The following ARID1B variants were observed in gnomAD, a reference collection of about 807,000 sequenced individuals.
The protein encoded by ARID1B is AT-rich interactive domain-containing protein 1B.
In ARID1B, 30 loss-of-function variants were observed where a neutral mutation model predicts 212.3. The observed-to-expected ratio is 0.14, with a 90% CI of 0.11 to 0.19. ARID1B has a LOEUF of 0.19. Among genes scored for constraint, ARID1B ranks in the 10% least tolerant of loss-of-function variants. ARID1B has a pLI of 1.00. For synonymous variants in ARID1B, 1,402 were observed against 1,301.7 expected (o/e 1.08, Z -1.66); for missense variants, 2,891 against 3,204.0 (o/e 0.90, Z 2.36).
chr6:156,799,434 G>A (rs1034606936), intron 1 of ARID1B, among the ~76,000 whole-genome samples: 1 of 152,166 alleles, frequency 6.6e-6, no homozygotes, highest in Admixed American at 6.5e-5. Flanking sequence ...GAAAGGTGGC[G>A]TTATGATAGA....
chr6:157,203,837 A>G lies in ARID1B; in HGVS notation c.5264-29A>G. 1.9e-6 allele frequency: 3 copies of G among 1,613,208 alleles called. No individual in the cohort carries two copies. The highest frequency in any genetic ancestry group is 2.5e-6 in the Non-Finnish European group (3 of 1,179,226). On this transcript the variant is annotated intron_variant, in intron 18 of 19. Transcript: ENST00000636930. The surrounding 1 kb of genome is among the most constrained non-coding windows in gnomAD (Gnocchi z 4.4). ...TCTTTCATGCATAGAGTCAACATTC[A>G]TGATATCCTTGTTCTTCCCCATCTT...
At chr6:156,888,743 C>T (rs1029078309) in intron 2 of ARID1B, among the ~76,000 whole-genome samples, 1 of 152,142 alleles carries the variant, frequency 6.6e-6, no homozygotes, top group African/African-American at 2.4e-5. Context: ...CTTCTGTGAG[C>T]AGAATTGACC....
chr6:157,161,429 G>GTATATATATATATATATA (rs1228344142), intron 8 of ARID1B, among the ~76,000 whole-genome samples: 4 of 134,030 alleles, frequency 3.0e-5, no homozygotes, highest in African/African-American at 9.0e-5. Context: ...GATTGTGTGT[G>GTATATATATATATATATA]TGTATATATA....
At chr6:156,865,902 C>G (rs1785652193) in intron 2 of ARID1B, among the ~76,000 whole-genome samples, 1 of 151,564 alleles carries the variant, frequency 6.6e-6, no homozygotes, top group African/African-American at 2.4e-5. Context: ...TTTTTCTTAC[C>G]TCTTTGAGAT....
In ARID1B at chr6:157,094,591, G is replaced by A. The variant is rs58324905; in HGVS notation, c.2491+9686G>A. Among the ~76,000 whole-genome samples, 890 of 152,266 alleles carry A rather than the reference G, an allele frequency of 5.8e-3. 13 individuals carry two copies. Among genetic ancestry groups the A allele is most frequent in the African/African-American group, 0.02 (849 of 41,536 alleles). The stretch of plus-strand genomic sequence containing the variant: ...GCTGGTCTCGAACTCCTGACCTCTC[G>A]AAATCTGCCCATGTTGGCCTCCCAA... On this transcript the variant is annotated intron_variant, in intron 5 of 19. Coordinates refer to ENST00000636930, the MANE Select transcript of ARID1B (RefSeq NM_001374828.1). The surrounding 1 kb of genome is among the most constrained non-coding windows in gnomAD (Gnocchi z 4.3).
intron 6 of ARID1B, among the ~76,000 whole-genome samples, chr6:157,122,005 GA>G (rs1368942300): frequency 2.0e-5 from 3 of 152,160 alleles, no homozygotes; most frequent in African/African-American, 7.2e-5. Context: ...GAACACACTG[GA>G]AAGGTCTGGA....
chr6:157,186,127 TG>T (rs1334668049), intron 13 of ARID1B: 2 of 193,060 alleles, frequency 1.0e-5, no homozygotes, highest in Non-Finnish European at 2.2e-5. Flanking sequence ...TGTCACTGAA[TG>T]GGCTGCACTT....
chr6:156,785,407 C>T (rs909148100), intron 1 of ARID1B, among the ~76,000 whole-genome samples: 7 of 152,158 alleles, frequency 4.6e-5, no homozygotes, highest in African/African-American at 1.4e-4. Context: ...AGAAGCCATT[C>T]CTTATCAGGT....
At chr6:157,025,654 T>C (rs1336458937) in intron 4 of ARID1B, among the ~76,000 whole-genome samples, 1 of 152,230 alleles carries the variant, frequency 6.6e-6, no homozygotes, top group East Asian at 1.9e-4. Context: ...TCCTTTTCAT[T>C]GGTGAGTCGT....
intron 17 of ARID1B, among the ~76,000 whole-genome samples, chr6:157,199,483 CGTGGT>C (rs1562343933): frequency 6.6e-6 from 1 of 151,878 alleles, no homozygotes; most frequent in African/African-American, 2.4e-5. Context: ...AACCGCCCTT[CGTGGT>C]GTGGCTTTCC....
chr6:157,062,700 A>ATT (rs996398354), intron 4 of ARID1B, among the ~76,000 whole-genome samples: 6 of 122,752 alleles, frequency 4.9e-5, no homozygotes, highest in African/African-American at 1.9e-4. Flanking sequence ...AAATATATAT[A>ATT]TATATATTTT....
At chr6:157,114,701 A>G (rs1787206345) in intron 6 of ARID1B, among the ~76,000 whole-genome samples, 1 of 152,122 alleles carries the variant, frequency 6.6e-6, no homozygotes, top group South Asian at 2.1e-4. Flanking sequence ...ATAGTCCACC[A>G]TATACGTACT....
intron 4 of ARID1B, among the ~76,000 whole-genome samples, chr6:157,069,462 G>T (rs1278867458): frequency 1.3e-5 from 2 of 152,176 alleles, no homozygotes; most frequent in Admixed American, 6.5e-5. Context: ...CTAATTTCTT[G>T]TAGGTAGGCT....
At chr6:156,874,442 A>G (rs950065638) in intron 2 of ARID1B, among the ~76,000 whole-genome samples, 1 of 152,186 alleles carries the variant, frequency 6.6e-6, no homozygotes, top group African/African-American at 2.4e-5. Flanking sequence ...TATCAGCTGT[A>G]TGCTGTGGGA....
intron 2 of ARID1B, among the ~76,000 whole-genome samples, chr6:156,884,020 T>C (rs1385454023): frequency 1.3e-5 from 2 of 152,178 alleles, no homozygotes; most frequent in Non-Finnish European, 2.9e-5. Context: ...AAAAAAAATA[T>C]CGTGCCCTAA....
rs111538431 is a variant in ARID1B, at chr6:157,203,688, C to T, written c.5264-178C>T. On this transcript the variant is annotated intron_variant, in intron 18 of 19. Transcript: ENST00000636930. This position sits in a 1 kb window ranked among gnomAD's most constrained non-coding sequence, Gnocchi z 4.4. ...CTGAAACCACAAAAGTTTCTCGTTA[C>T]AGCTATGGCCTCCATTTAAAATCGG... The T allele has an allele frequency of 7.8e-4, 628 of 801,950 alleles. 1 individual carries two copies. In the African/African-American group the frequency reaches 9.3e-3, roughly 12 times the overall value. The allele number at this position is 801,950 out of a possible 1,614,324, so 49.7% of individuals were successfully genotyped here.
In ARID1B at chr6:157,006,880, T is replaced by G. The variant is rs1260574092; in HGVS notation, c.2247+71304T>G. Reference sequence around the variant, plus strand: ...TTTTTCACGTGGAAGTAATCCTAAATTACTCTTCCTTAAATGGAAATGTTA... The same window carrying G: ...TTTTTCACGTGGAAGTAATCCTAAAGTACTCTTCCTTAAATGGAAATGTTA... On this transcript the variant is annotated intron_variant, in intron 4 of 19. Coordinates refer to ENST00000636930, the MANE Select transcript of ARID1B (RefSeq NM_001374828.1). Among the ~76,000 whole-genome samples, 4 of 152,378 alleles carry G rather than the reference T, an allele frequency of 2.6e-5. No homozygotes were observed. The East Asian group carries it at 7.7e-4, about 29-fold the overall frequency.
At chr6:157,168,235 C>T (rs1791474252) in intron 9 of ARID1B, 1 of 152,100 alleles carries the variant, frequency 6.6e-6, no homozygotes, top group Non-Finnish European at 1.5e-5. Flanking sequence ...ATTTCTAGGA[C>T]CTAATTGAAG....
intron 2 of ARID1B, among the ~76,000 whole-genome samples, chr6:156,864,276 T>A (rs753149877): frequency 2.0e-5 from 3 of 152,166 alleles, no homozygotes; most frequent in Admixed American, 1.3e-4. Context: ...GCCCTCTGAG[T>A]GGGATAAGGA....
Sources: gnomAD v4.1 joint callset for allele counts (sites outside exome capture counted in the v4.1 genomes callset) on GRCh38, gnomAD v4.1.1 for gene constraint, Gnocchi (gnomAD v3.1) non-coding constraint, MANE v1.5 for transcripts, NCBI Gene and HGNC (gene_info 2026-07-23, HGNC 2026-07-21) for gene names.